SYNE3: variants seen among roughly 807,000 people sequenced by gnomAD.
SYNE3 encodes nesprin-3.
Under a neutral mutation model 111.2 loss-of-function variants are expected in SYNE3, and 100 were observed. That is an observed-to-expected ratio of 0.90 (90% confidence interval 0.77 to 1.06). The LOEUF is 1.06. SYNE3 is among the 50% of genes least tolerant of loss of function. SYNE3 has a pLI of 0.00. For synonymous variants in SYNE3, 547 were observed against 533.9 expected, an observed-to-expected ratio of 1.02 and a Z score of -0.34; for missense variants, 1,160 against 1,240.3, an observed-to-expected ratio of 0.94 and a Z score of 0.97.
intron 1 of SYNE3, among the ~76,000 whole-genome samples, chr14:95,479,393 C>T (rs2139525724): frequency 6.6e-6 from 1 of 152,100 alleles, no homozygotes; most frequent in African/African-American, 2.4e-5. Flanking sequence ...AAAAAAATTG[C>T]CCAGAACCTG....
Position 95,417,001 on chromosome 14 carries a change from A to T in SYNE3, c.*825T>A, listed in dbSNP as rs1386755477. 6.6e-6 allele frequency: 1 copy of T among 152,270 alleles called. No individual in the cohort carries two copies. Among genetic ancestry groups the T allele is most frequent in the Non-Finnish European group, 1.5e-5 (1 of 68,090 alleles). The allele number at this position is 152,270 out of a possible 1,614,324, so 9.4% of individuals were successfully genotyped here. ...CCCTTTCTCCCTGAATGAAACACAC[A>T]GAGCAGGATCTCACCGTTTCATGGG... is the stretch of plus-strand genomic sequence containing the variant. On this transcript the variant is annotated 3_prime_UTR_variant, in exon 18 of 18. Transcript: ENST00000682763.
chr14:95,455,345 C>T, intron 6 of SYNE3, 32 bp downstream of exon 6: 1 of 1,495,136 alleles, frequency 6.7e-7, no homozygotes, highest in Non-Finnish European at 8.9e-7. Context: ...AGACAGCACC[C>T]TGGGCTCCAT....
rs11419794 is a variant in SYNE3, at chr14:95,489,750, AT to A, written c.-14-13916del. 1.5e-4 allele frequency among the ~76,000 whole-genome samples: 22 copies of A among 151,274 alleles called. 1 individual carries two copies. In the East Asian group the frequency reaches 3.7e-3, roughly 25 times the overall value. ...AGTCACGAGCCACCATGCCTGGCTTATTTTTTTTTGAAAAGAAAGAAGTGTG... is the reference window on the plus strand; with the variant it reads ...AGTCACGAGCCACCATGCCTGGCTTATTTTTTTTGAAAAGAAAGAAGTGTG... On this transcript the variant is annotated intron_variant, in intron 1 of 17. Transcript: ENST00000682763.
intron 7 of SYNE3, chr14:95,451,699 A>C (rs1405240167): frequency 2.0e-5 from 3 of 152,482 alleles, no homozygotes; most frequent in African/African-American, 7.2e-5. Context: ...GGACAGTTGT[A>C]CCATGTTCAG....
chr14:95,484,415 G>A (rs904236278), intron 1 of SYNE3, among the ~76,000 whole-genome samples: 1 of 152,156 alleles, frequency 6.6e-6, no homozygotes, highest in African/African-American at 2.4e-5. Context: ...GGTTCAAGGG[G>A]GCTCCTGAGG....
Position 95,433,290 on chromosome 14 carries a change from C to T in SYNE3, c.2658G>A (p.Lys886=). 6.2e-7 allele frequency: 1 copy of T among 1,614,138 alleles called. No homozygotes were observed. The highest frequency in any genetic ancestry group is 8.5e-7 in the Non-Finnish European group (1 of 1,179,988). Residue 886 remains lysine (K), a synonymous_variant, in exon 16 of 18, where the codon AAG becomes AAA. Transcript: ENST00000682763. ...EDLRYQWMLY[K]SKLKDSGHLL... ...GGTGGCCAGAGTCCTTCAGCTTGGA[C>T]TTGTACAGCATCCACTGGTAGCGCA... is the stretch of plus-strand genomic sequence containing the variant.
intron 1 of SYNE3, among the ~76,000 whole-genome samples, chr14:95,497,389 A>C (rs1890137198): frequency 6.6e-6 from 1 of 152,236 alleles, no homozygotes; most frequent in Admixed American, 6.5e-5. Context: ...CAATGCTGGC[A>C]CACAGTAGGT....
rs1461333723 is a variant in SYNE3 at position 95,411,780 on chromosome 14, G to C, written c.*6046C>G. On this transcript the variant is annotated 3_prime_UTR_variant, in exon 18 of 18. Transcript: ENST00000682763. ...ACAGCCACAGGCACAGCCTCCCTGG[G>C]GGGGTCCCTCAGCTCCTCTCCTCTG... The C allele has an allele frequency of 6.6e-6, 1 of 152,506 alleles. No individual in the cohort carries two copies. The highest frequency in any genetic ancestry group is 1.5e-5 in the Non-Finnish European group (1 of 68,170). The allele number at this position is 152,506 out of a possible 1,614,324, so 9.4% of individuals were successfully genotyped here.
intron 1 of SYNE3, among the ~76,000 whole-genome samples, chr14:95,499,854 G>GTATTTTTTTTTTTT (rs1890259277): frequency 1.9e-5 from 1 of 53,758 alleles, no homozygotes. Flanking sequence ...ACTAACTCTT[G>GTATTTTTTTTTTTT]TCTTTTTTTT....
rs756698494 is a variant in SYNE3 at position 95,475,706 on chromosome 14, G to A, written c.116C>T (p.Ala39Val). The A allele has an allele frequency of 5.0e-6, 8 of 1,592,792 alleles. No homozygotes were observed. The highest frequency in any genetic ancestry group is 1.7e-4 in the Middle Eastern group (1 of 5,962). Residue 39 changes from alanine to valine, a missense_variant, in exon 2 of 18, where the codon GCC (alanine) becomes GTC (valine). Physicochemically the swap from Ala to Val is moderately conservative, Grantham distance 64. Coordinates refer to ENST00000682763, the MANE Select transcript of SYNE3 (RefSeq NM_152592.6). Reference sequence around the variant, plus strand: ...GGTCTCCCACAGCCTGGCCTCCAGGGCCGCGCGGGGTCCCTGCGTGTTGTC... The same window carrying A: ...GGTCTCCCACAGCCTGGCCTCCAGGACCGCGCGGGGTCCCTGCGTGTTGTC... Reference protein sequence around the residue: ...VNDNTQGPRAALEARLWETEK... With the variant: ...VNDNTQGPRAVLEARLWETEK...
chr14:95,496,278 T>G (rs1165137021), intron 1 of SYNE3, among the ~76,000 whole-genome samples: 2 of 152,238 alleles, frequency 1.3e-5, no homozygotes, highest in African/African-American at 2.4e-5. Context: ...CATCCTGCCC[T>G]GACAAAGCTC....
Position 95,409,486 on chromosome 14 carries a change from G to A in SYNE3, c.*8340C>T. On this transcript the variant is annotated 3_prime_UTR_variant, in exon 18 of 18. Transcript: ENST00000682763. Reference sequence around the variant, plus strand: ...AGAAAGGAAGCCCAGGATCCTCGGGGGAAACCGAGGTCCCTCCTTATGATT... The same window carrying A: ...AGAAAGGAAGCCCAGGATCCTCGGGAGAAACCGAGGTCCCTCCTTATGATT... 1 of 417,732 alleles carries A rather than the reference G, an allele frequency of 2.4e-6. No individual in the cohort carries two copies. The highest frequency in any genetic ancestry group is 1.8e-5 in the South Asian group (1 of 56,466). The allele number at this position is 417,732 out of a possible 1,614,324, so 25.9% of individuals were successfully genotyped here.
At chr14:95,490,160 G>A (rs745555255) in intron 1 of SYNE3, among the ~76,000 whole-genome samples, 1 of 152,236 alleles carries the variant, frequency 6.6e-6, no homozygotes, top group Non-Finnish European at 1.5e-5. Context: ...AGTTAGTAAG[G>A]GAAATACACG....
intron 1 of SYNE3, among the ~76,000 whole-genome samples, chr14:95,512,116 G>A (rs1282091799): frequency 2.0e-5 from 3 of 152,136 alleles, no homozygotes; most frequent in Non-Finnish European, 4.4e-5. Context: ...TATGATTTGG[G>A]AAGACAGAGA....
chr14:95,514,845 C>T (rs948336929), intron 1 of SYNE3, among the ~76,000 whole-genome samples: 3 of 152,216 alleles, frequency 2.0e-5, no homozygotes, highest in African/African-American at 4.8e-5. Context: ...TCTTGCCTCC[C>T]GGGGCCGCCA....
At position 95,503,675 on chromosome 14, in the gene SYNE3, G is replaced by A. The variant is rs117936973; in HGVS notation, c.-15+12921C>T. 4.0e-3 allele frequency among the ~76,000 whole-genome samples: 529 copies of A among 131,306 alleles called. 2 individuals are homozygous for A. The highest frequency in any genetic ancestry group is 8.1e-3 in the Admixed American group (92 of 11,316). The allele number at this position is 131,306 out of a possible 152,430, so 86.1% of individuals were successfully genotyped here. A position where few individuals can be genotyped will look rare whatever the true frequency, so the allele number is the denominator to read the frequency against. ...TCTTTGTTGCCCAGGCTGGAGCACAGTGGTGTGATCACAGTTCACTACAGC... is the reference window on the plus strand; with the variant it reads ...TCTTTGTTGCCCAGGCTGGAGCACAATGGTGTGATCACAGTTCACTACAGC... On this transcript the variant is annotated intron_variant, in intron 1 of 17. Transcript: ENST00000682763.
rs373449687 is a variant in SYNE3, at chr14:95,485,023, C to T, written c.-14-9188G>A. 6.6e-5 allele frequency among the ~76,000 whole-genome samples: 10 copies of T among 152,044 alleles called. No homozygotes were observed. Among genetic ancestry groups the T allele is most frequent in the Non-Finnish European group, 1.2e-4 (8 of 68,016 alleles). ...GCATTTCTAATGAGTATTTAGGTAA[C>T]GTTGACACTGCTGCTCCAGGACCTC... On this transcript the variant is annotated intron_variant, in intron 1 of 17. Transcript: ENST00000682763. This position sits in a 1 kb window ranked among gnomAD's most constrained non-coding sequence, Gnocchi z 4.3.
chr14:95,460,891 G>C (rs544365750), intron 4 of SYNE3, among the ~76,000 whole-genome samples: 1 of 152,206 alleles, frequency 6.6e-6, no homozygotes, highest in South Asian at 2.1e-4. Context: ...TGGAAGTGCC[G>C]GCCGTGGCTG....
At chr14:95,441,783 G>A (rs915266244) in intron 11 of SYNE3, among the ~76,000 whole-genome samples, 3 of 152,188 alleles carry the variant, frequency 2.0e-5, no homozygotes, top group Non-Finnish European at 2.9e-5. Context: ...GACATTAATC[G>A]TCACTTACAC....
Sources: allele counts gnomAD v4.1 joint callset (sites outside exome capture counted in the v4.1 genomes callset), GRCh38; gene constraint gnomAD v4.1.1; non-coding constraint Gnocchi (gnomAD v3.1); transcripts MANE v1.5; gene names NCBI Gene and HGNC (gene_info 2026-07-23, HGNC 2026-07-21).